The following AP3S2 variants were observed in gnomAD, a reference collection of about 807,000 sequenced individuals.
The protein encoded by AP3S2 is AP-3 complex subunit sigma-2.
Under a neutral mutation model 23.4 loss-of-function variants are expected in AP3S2, and 22 were observed. The observed-to-expected ratio is 0.94, with a 90% CI of 0.67 to 1.34. The LOEUF (loss-of-function observed/expected upper bound fraction) is 1.34, where lower values mean the gene tolerates loss of function less well. Among genes scored for constraint, AP3S2 ranks in the 40% most tolerant of loss-of-function variants. The pLI is 0.00. For missense variants in AP3S2, 241 were observed against 236.9 expected (o/e 1.02, Z -0.11); for synonymous variants, 86 against 87.1 (o/e 0.99, Z 0.07).
At chr15:89,847,714 A>G (rs963541682) in intron 4 of AP3S2, among the ~76,000 whole-genome samples, 1 of 152,242 alleles carries the variant, frequency 6.6e-6, no homozygotes, top group Non-Finnish European at 1.5e-5. Context: ...CAAGGTATTT[A>G]AATTACCTTT....
chr15:89,868,122 T>G (rs1596207974), intron 4 of AP3S2, among the ~76,000 whole-genome samples: 3 of 87,616 alleles, frequency 3.4e-5, no homozygotes, highest in South Asian at 4.6e-4. Context: ...GATGGGGGGG[T>G]CAGCCCCCCC....
chr15:89,846,059 T>C (rs896714544), intron 4 of AP3S2, among the ~76,000 whole-genome samples: 2 of 152,220 alleles, frequency 1.3e-5, no homozygotes, highest in African/African-American at 2.4e-5. Context: ...TATCTTGATA[T>C]AAGGGGAAGG....
chr15:89,839,437 T>C (rs778624307), intron 4 of AP3S2, among the ~76,000 whole-genome samples: 1 of 152,216 alleles, frequency 6.6e-6, no homozygotes, highest in Non-Finnish European at 1.5e-5. Flanking sequence ...TTTTATACAA[T>C]ATGAATTATT....
intron 3 of AP3S2, among the ~76,000 whole-genome samples, chr15:89,875,168 G>A (rs1277456476): frequency 2.0e-5 from 3 of 152,344 alleles, no homozygotes; most frequent in South Asian, 2.1e-4. Context: ...GCCCCCTAGC[G>A]GCCTGAGCTC....
chr15:89,887,007 G>A (rs996128747), intron 3 of AP3S2, among the ~76,000 whole-genome samples: 4 of 152,130 alleles, frequency 2.6e-5, no homozygotes, highest in African/African-American at 7.2e-5. Context: ...TGCTGACCAC[G>A]TTGGTCTCAA....
chr15:89,837,526 C>T, intron 5 of AP3S2, 89 bp downstream of exon 5: 1 of 1,477,974 alleles, frequency 6.8e-7, no homozygotes, highest in Non-Finnish European at 9.3e-7. Context: ...CGAGGTTTCA[C>T]AGCAACACAA....
At chr15:89,835,965 T>G (rs1596183648) in intron 5 of AP3S2, among the ~76,000 whole-genome samples, 1 of 151,918 alleles carries the variant, frequency 6.6e-6, no homozygotes, top group African/African-American at 2.4e-5. Context: ...AAGGCGGAGG[T>G]TGCGGTGAGC....
chr15:89,877,177 A>G, intron 3 of AP3S2: 1 of 491,108 alleles, frequency 2.0e-6, no homozygotes, highest in South Asian at 1.6e-5. Context: ...AGCAATAGGA[A>G]GTACTGTATT....
At chr15:89,879,461 G>A (rs2141891459) in intron 3 of AP3S2, among the ~76,000 whole-genome samples, 1 of 152,206 alleles carries the variant, frequency 6.6e-6, no homozygotes, top group African/African-American at 2.4e-5. Context: ...ATGCCCACAA[G>A]TAGCATGATG....
At chr15:89,889,786 C>T (rs1401317541) in intron 1 of AP3S2, among the ~76,000 whole-genome samples, 4 of 148,656 alleles carry the variant, frequency 2.7e-5, no homozygotes, top group Admixed American at 6.8e-5. Flanking sequence ...ACTGCTTGAA[C>T]CCAGGAAGCG....
intron 3 of AP3S2, among the ~76,000 whole-genome samples, chr15:89,875,514 A>C (rs1288816797): frequency 6.6e-6 from 1 of 152,248 alleles, no homozygotes; most frequent in Non-Finnish European, 1.5e-5. Flanking sequence ...GACATTGCAG[A>C]CTCAGGTAGG....
intron 4 of AP3S2, among the ~76,000 whole-genome samples, chr15:89,865,961 C>G (rs1349398284): frequency 6.6e-6 from 1 of 152,102 alleles, no homozygotes; most frequent in Non-Finnish European, 1.5e-5. Context: ...TGTTGACTTT[C>G]AAAGTCACCT....
intron 4 of AP3S2, among the ~76,000 whole-genome samples, chr15:89,866,246 A>G (rs1896115821): frequency 7.5e-6 from 1 of 132,778 alleles, no homozygotes; most frequent in Non-Finnish European, 1.6e-5. Context: ...TGGGCAACAG[A>G]GCGAGACTCC....
intron 3 of AP3S2, 35 bp from the exon 4 acceptor site, chr15:89,871,581 A>C: frequency 6.2e-7 from 1 of 1,602,580 alleles, no homozygotes; most frequent in Non-Finnish European, 8.5e-7. Flanking sequence ...AAGAAGAGAA[A>C]TAGGAACACA....
At chr15:89,874,127 G>GT (rs10602688) in intron 3 of AP3S2, among the ~76,000 whole-genome samples, 2,453 of 146,936 alleles carry the variant, frequency 0.017, 36 homozygotes, top group Non-Finnish European at 0.025. Context: ...AGGGTTTTGG[G>GT]TTTTTTTTTT....
At chr15:89,850,708 G>A (rs2141850287) in intron 4 of AP3S2, 2 of 123,614 alleles carry the variant, frequency 1.6e-5, no homozygotes, top group African/African-American at 6.1e-5. Context: ...GGCATTCACT[G>A]ATTTTTTTCT....
intron 4 of AP3S2, among the ~76,000 whole-genome samples, chr15:89,840,203 C>T (rs969529332): frequency 1.3e-5 from 2 of 152,078 alleles, no homozygotes; most frequent in African/African-American, 4.8e-5. Context: ...ATGGTGAAGA[C>T]AGGAAACTAT....
At chr15:89,839,933 T>C (rs1194612201) in intron 4 of AP3S2, among the ~76,000 whole-genome samples, 5 of 152,074 alleles carry the variant, frequency 3.3e-5, no homozygotes, top group African/African-American at 1.2e-4. Context: ...ACCTTGAAGA[T>C]ACTATAAGTG....
At chr15:89,860,591 T>C (rs541715658) in intron 4 of AP3S2, among the ~76,000 whole-genome samples, 3 of 152,342 alleles carry the variant, frequency 2.0e-5, no homozygotes, top group Non-Finnish European at 4.4e-5. Flanking sequence ...TTTTGGACCA[T>C]GGTTGACTGT....
Sources: allele counts gnomAD v4.1 joint callset (sites outside exome capture counted in the v4.1 genomes callset), GRCh38; gene constraint gnomAD v4.1.1; transcripts MANE v1.5; gene names NCBI Gene and HGNC (gene_info 2026-07-23, HGNC 2026-07-21).